The following ZNF316 variants were observed in gnomAD, a reference collection of about 807,000 sequenced individuals.
The protein encoded by ZNF316 is zinc finger protein 316.
Under a neutral mutation model 75.6 loss-of-function variants are expected in ZNF316, and 23 were observed. That is an observed-to-expected ratio of 0.30 (90% CI 0.22 to 0.43). ZNF316 has a LOEUF of 0.43. Among genes scored for constraint, ZNF316 ranks in the 20% least tolerant of loss-of-function variants. The probability of loss-of-function intolerance (pLI) is 1.00; values close to 1 mark genes in which losing one functional copy is unlikely to be tolerated. For missense variants in ZNF316, 1,266 were observed against 1,409.4 expected (o/e 0.90, Z 1.63); for synonymous variants, 827 against 666.2 (o/e 1.24, Z -3.72).
Position 6,656,745 on chromosome 7 carries a change from A to C in ZNF316, c.*2134A>C, listed in dbSNP as rs773649022. Among the ~76,000 whole-genome samples, 1 of 151,948 alleles carries C rather than the reference A, an allele frequency of 6.6e-6. No individual in the cohort carries two copies. The highest frequency in any genetic ancestry group is 1.5e-5 in the Non-Finnish European group (1 of 67,992). ...CAGAGGCCAGAGTGAGGGGCCAGGT[A>C]CCCTTCGTGGTGGTCCAAACACATC... On this transcript the variant is annotated 3_prime_UTR_variant, in exon 9 of 9. Coordinates refer to ENST00000382252, the MANE Select transcript of ZNF316 (RefSeq NM_001278559.2).
intron 8 of ZNF316, among the ~76,000 whole-genome samples, chr7:6,647,955 C>A (rs1291105960): frequency 2.0e-5 from 3 of 152,198 alleles, no homozygotes; most frequent in Non-Finnish European, 4.4e-5. Context: ...CAGGGCAGGG[C>A]ACTTACCAGA....
Position 6,652,318 on chromosome 7 carries a change from C to T in ZNF316, c.722C>T (p.Thr241Met), listed in dbSNP as rs1779520625. Residue 241 changes from threonine to methionine, a missense_variant, in exon 9 of 9, where the codon ACG becomes ATG. Physicochemically the swap from Thr to Met is moderately conservative, Grantham distance 81 (BLOSUM62 -1). Coordinates refer to ENST00000382252, the MANE Select transcript of ZNF316 (RefSeq NM_001278559.2). ...TCACCTTCAGGAGCCTGGTTCTGGA[C>T]GGACGACATAGAGGACCACGAGGAG... is the stretch of plus-strand genomic sequence containing the variant. ...TGVYTGAWFW[T>M]DDIEDHEEED... 7 of 1,232,248 alleles carry T rather than the reference C, an allele frequency of 5.7e-6. No homozygotes were observed. The highest frequency in any genetic ancestry group is 4.1e-5 in the South Asian group (1 of 24,330). The allele number at this position is 1,232,248 out of a possible 1,614,324, so 76.3% of individuals were successfully genotyped here.
Position 6,639,404 on chromosome 7 carries a change from T to A in ZNF316, c.-167+263T>A, listed in dbSNP as rs780177258. Among the ~76,000 whole-genome samples, 6 of 152,114 alleles carry A rather than the reference T, an allele frequency of 3.9e-5. No individual in the cohort carries two copies. The highest frequency in any genetic ancestry group is 7.2e-5 in the African/African-American group (3 of 41,410). ...GGAGAGAGATGATAAGACAGTCTCA[T>A]AAGTGTATTTTTAAGATGTGGTGAG... On this transcript the variant is annotated intron_variant, in intron 3 of 8. Transcript: ENST00000382252. The surrounding 1 kb of genome is among the most constrained non-coding windows in gnomAD (Gnocchi z 4.2).
In ZNF316 at chr7:6,642,621, C is replaced by T. The variant is rs527674086; in HGVS notation, c.212C>T (p.Ala71Val). Residue 71 changes from alanine to valine, a missense_variant, in exon 5 of 9, where the codon GCG becomes GTG. Physicochemically the swap from Ala to Val is moderately conservative, Grantham distance 64 (BLOSUM62 0). Coordinates refer to ENST00000382252, the MANE Select transcript of ZNF316 (RefSeq NM_001278559.2). This position sits in a 1 kb window ranked among gnomAD's most constrained non-coding sequence, Gnocchi z 8.1. ...GTAGTGCAGGATGCGCAGGTGGAGGCGGTGGCCGAGGTGGAGGTGGAGGCG... is the reference window on the plus strand; with the variant it reads ...GTAGTGCAGGATGCGCAGGTGGAGGTGGTGGCCGAGGTGGAGGTGGAGGCG... ...AEVVQDAQVE[A>V]VAEVEVEADV... 5.7e-6 allele frequency: 7 copies of T among 1,228,056 alleles called. No individual in the cohort carries two copies. The highest frequency in any genetic ancestry group is 3.2e-5 in the East Asian group (1 of 31,730). 76.1% of individuals were successfully genotyped at this position (1,228,056 alleles called of 1,614,324 possible). A position where few individuals can be genotyped will look rare whatever the true frequency, so the allele number is the denominator to read the frequency against.
At position 6,639,773 on chromosome 7, in the gene ZNF316, G is replaced by C. The variant is rs58216140; in HGVS notation, c.-167+632G>C. Among the ~76,000 whole-genome samples, 415 of 152,312 alleles carry C rather than the reference G, an allele frequency of 2.7e-3. 2 individuals are homozygous for C. Among genetic ancestry groups the C allele is most frequent in the African/African-American group, 9.9e-3 (411 of 41,568 alleles). On this transcript the variant is annotated intron_variant, in intron 3 of 8. Transcript: ENST00000382252. The surrounding 1 kb of genome is among the most constrained non-coding windows in gnomAD (Gnocchi z 4.2). The stretch of plus-strand genomic sequence containing the variant: ...AAGCCCTCCTCTGGGCCTCAAGTGG[G>C]TGGCAGTTGGGAAACCGTTGCTGCG...
chr7:6,654,713 T>C lies in ZNF316; in HGVS notation c.*102T>C. The C allele has an allele frequency of 9.8e-7, 1 of 1,021,074 alleles. No individual in the cohort carries two copies. The highest frequency in any genetic ancestry group is 1.2e-6 in the Non-Finnish European group (1 of 824,874). 63.3% of individuals were successfully genotyped at this position (1,021,074 alleles called of 1,614,324 possible). A position where few individuals can be genotyped will look rare whatever the true frequency, so the allele number is the denominator to read the frequency against. On this transcript the variant is annotated 3_prime_UTR_variant, in exon 9 of 9. Transcript: ENST00000382252. ...GGCCCCGGGAGGCTGAGGGTCCCAG[T>C]CCTGGGTGCGGTGCCTTCCCTCAGC... is the stretch of plus-strand genomic sequence containing the variant.
At chr7:6,648,223 G>T (rs1779444267) in intron 8 of ZNF316, among the ~76,000 whole-genome samples, 1 of 152,118 alleles carries the variant, frequency 6.6e-6, no homozygotes, top group African/African-American at 2.4e-5. Context: ...TGGGCTGGAG[G>T]GTGCCCCGCC....
Position 6,653,412 on chromosome 7 carries a change from T to A in ZNF316, c.1816T>A (p.Ser606Thr), listed in dbSNP as rs977069591. 12 of 1,227,458 alleles carry A rather than the reference T, an allele frequency of 9.8e-6. No homozygotes were observed. The highest frequency in any genetic ancestry group is 4.3e-5 in the Admixed American group (1 of 23,506). The allele number at this position is 1,227,458 out of a possible 1,614,324, so 76.0% of individuals were successfully genotyped here. Residue 606 changes from serine to threonine, a missense_variant, in exon 9 of 9, where the codon TCC (serine) becomes ACC (threonine). Coordinates refer to ENST00000382252, the MANE Select transcript of ZNF316 (RefSeq NM_001278559.2). ...LGFHFPVHPK[S>T]WLHPDSFPIL... ...CTTCCACTTCCCCGTGCACCCCAAG[T>A]CCTGGCTGCACCCGGACAGCTTCCC...
intron 8 of ZNF316, among the ~76,000 whole-genome samples, chr7:6,651,536 T>G (rs1275019176): frequency 6.6e-6 from 1 of 151,478 alleles, no homozygotes; most frequent in Non-Finnish European, 1.5e-5. Context: ...GCGCCTGTAA[T>G]CCCAGCTACT....
chr7:6,650,059 A>AC (rs1779480247), intron 8 of ZNF316, among the ~76,000 whole-genome samples: 1 of 151,952 alleles, frequency 6.6e-6, no homozygotes, highest in Non-Finnish European at 1.5e-5. Flanking sequence ...GTACCGATGC[A>AC]CCCCGCTACA....
At chr7:6,647,544 G>C (rs1562581432) in intron 8 of ZNF316, among the ~76,000 whole-genome samples, 1 of 152,232 alleles carries the variant, frequency 6.6e-6, no homozygotes, top group Non-Finnish European at 1.5e-5. Context: ...GTGAGGGGAG[G>C]GAGCAGGTGT....
chr7:6,653,454 G>A lies in ZNF316; in HGVS notation c.1858G>A (p.Asp620Asn), dbSNP rs887890595. Reference protein sequence around the residue: ...PDSFPILGLPDFRERLPVDGR... With the variant: ...PDSFPILGLPNFRERLPVDGR... ...CAGCTTCCCGATCCTGGGCCTACCCGACTTCCGAGAGCGGCTGCCGGTCGA... is the reference window on the plus strand; with the variant it reads ...CAGCTTCCCGATCCTGGGCCTACCCAACTTCCGAGAGCGGCTGCCGGTCGA... The change falls in exon 9 of 9, where the codon GAC (aspartate) becomes AAC (asparagine). Residue 620 changes from aspartate (D) to asparagine (N), a missense_variant. Asp to Asn is a conservative substitution (Grantham distance 23). Coordinates refer to ENST00000382252, the MANE Select transcript of ZNF316 (RefSeq NM_001278559.2). 8.1e-7 allele frequency: 1 copy of A among 1,227,550 alleles called. No individual in the cohort carries two copies. Among genetic ancestry groups the A allele is most frequent in the Non-Finnish European group, 1.0e-6 (1 of 985,680 alleles). 76.0% of individuals were successfully genotyped at this position (1,227,550 alleles called of 1,614,324 possible). A position where few individuals can be genotyped will look rare whatever the true frequency, so the allele number is the denominator to read the frequency against.
chr7:6,642,651 T>C lies in ZNF316; in HGVS notation c.242T>C (p.Val81Ala), dbSNP rs1012756252. ...GCCGAGGTGGAGGTGGAGGCGGACG[T>C]GGAGGAGGAGGATGTGAAGGAGGTG... is the stretch of plus-strand genomic sequence containing the variant. ...AVAEVEVEADVEEEDVKEVLA... is the reference protein window; with the variant it reads ...AVAEVEVEADAEEEDVKEVLA... The change falls in exon 5 of 9, where the codon GTG becomes GCG. Residue 81 changes from valine to alanine, a missense_variant. Around this residue, in one of 3 missense-constraint regions of ZNF316, gnomAD observed 961 missense variants for 990.9 expected, o/e 0.97. Coordinates refer to ENST00000382252, the MANE Select transcript of ZNF316 (RefSeq NM_001278559.2). This position sits in a 1 kb window ranked among gnomAD's most constrained non-coding sequence, Gnocchi z 8.1. 8.3e-5 allele frequency: 103 copies of C among 1,234,428 alleles called. No individual in the cohort carries two copies. The highest frequency in any genetic ancestry group is 1.0e-4 in the Non-Finnish European group (102 of 990,230). The allele number at this position is 1,234,428 out of a possible 1,614,324, so 76.5% of individuals were successfully genotyped here.
intron 2 of ZNF316, 112 bp from the exon 3 acceptor site, chr7:6,638,930 G>C (rs2254504): frequency 0.58 from 88,341 of 152,260 alleles, 26,540 homozygotes; most frequent in South Asian, 0.82. Flanking sequence ...TAACCCAGGG[G>C]GAGTTGCTGG....
intron 8 of ZNF316, among the ~76,000 whole-genome samples, chr7:6,646,633 T>C (rs998045344): frequency 1.3e-5 from 2 of 151,678 alleles, no homozygotes. Flanking sequence ...CCTGAGTGGG[T>C]GTGTAAAGTC....
At chr7:6,645,876 C>T (rs960513081) in intron 8 of ZNF316, among the ~76,000 whole-genome samples, 4 of 151,540 alleles carry the variant, frequency 2.6e-5, no homozygotes, top group African/African-American at 9.7e-5. Context: ...CGCCTGTAGT[C>T]CCAGCTACTT....
chr7:6,641,655 C>T (rs1289565168), intron 3 of ZNF316, among the ~76,000 whole-genome samples, 170 bp from the exon 4 acceptor site: 1 of 152,252 alleles, frequency 6.6e-6, no homozygotes, highest in African/African-American at 2.4e-5. Context: ...TAAGTCAGCC[C>T]TCAAGAGTCT....
Position 6,654,200 on chromosome 7 carries a change from C to G in ZNF316, c.2604C>G (p.Phe868Leu). Residue 868 changes from phenylalanine to leucine, a missense_variant, in exon 9 of 9, where the codon TTC (phenylalanine) becomes TTG (leucine). Coordinates refer to ENST00000382252, the MANE Select transcript of ZNF316 (RefSeq NM_001278559.2). The part of the protein sequence containing the change: ...PFRCADCGRG[F>L]AQRSNLAKHR... ...GCTGCGCCGACTGCGGCCGCGGCTT[C>G]GCGCAGCGCTCCAACCTGGCCAAGC... 1 of 1,224,058 alleles carries G rather than the reference C, an allele frequency of 8.2e-7. No individual in the cohort carries two copies. 75.8% of individuals were successfully genotyped at this position (1,224,058 alleles called of 1,614,324 possible). A position where few individuals can be genotyped will look rare whatever the true frequency, so the allele number is the denominator to read the frequency against.
chr7:6,642,085 G>C lies in ZNF316; in HGVS notation c.-29+123G>C, dbSNP rs1351737440. The C allele has an allele frequency of 3.8e-6, 1 of 264,838 alleles. No homozygotes were observed. Among genetic ancestry groups the C allele is most frequent in the African/African-American group, 2.2e-5 (1 of 45,454 alleles). The allele number at this position is 264,838 out of a possible 1,614,324, so 16.4% of individuals were successfully genotyped here. A position where few individuals can be genotyped will look rare whatever the true frequency, so the allele number is the denominator to read the frequency against. On this transcript the variant is annotated intron_variant, in intron 4 of 8. Transcript: ENST00000382252. The surrounding 1 kb of genome is among the most constrained non-coding windows in gnomAD (Gnocchi z 8.1). ...TGGGATAAATGCCTGATTTACTCCA[G>C]GAAAGAGCAGCAGTTCACACCAGGC... is the stretch of plus-strand genomic sequence containing the variant.
Sources: gnomAD v4.1 joint callset for allele counts (sites outside exome capture counted in the v4.1 genomes callset) on GRCh38, gnomAD v4.1.1 for gene constraint, gnomAD v4.1.1 regional missense constraint, Gnocchi (gnomAD v3.1) non-coding constraint, MANE v1.5 for transcripts, NCBI Gene and HGNC (gene_info 2026-07-23, HGNC 2026-07-21) for gene names.